The following CDH13 variants were observed in gnomAD, a reference collection of about 807,000 sequenced individuals.
The protein encoded by CDH13 is cadherin-13.
In CDH13, 24 loss-of-function variants were observed where a neutral mutation model predicts 63.8. The ratio of observed to expected loss-of-function variants is 0.38; its 90% confidence interval spans 0.27 to 0.53. The LOEUF (loss-of-function observed/expected upper bound fraction) is 0.53. Among genes scored for constraint, CDH13 ranks in the 20% least tolerant of loss-of-function variants. CDH13 has a pLI of 0.85. For synonymous variants in CDH13, 503 were observed against 355.3 expected, an observed-to-expected ratio of 1.42 and a Z score of -4.67; for missense variants, 1,049 against 903.1, an observed-to-expected ratio of 1.16 and a Z score of -2.07.
At chr16:83,311,801 G>A (rs953516028) in intron 5 of CDH13, among the ~76,000 whole-genome samples, 12 of 152,188 alleles carry the variant, frequency 7.9e-5, no homozygotes, top group Admixed American at 6.5e-4. Flanking sequence ...CTTGCCAGGT[G>A]CAGTGGCTCA....
intron 2 of CDH13, chr16:83,022,995 T>A (rs966901476): frequency 2.0e-5 from 3 of 152,228 alleles, no homozygotes; most frequent in African/African-American, 7.2e-5. Flanking sequence ...CTTAATTTTC[T>A]CCCTTATCCA....
At chr16:83,330,040 A>T (rs947883337) in intron 5 of CDH13, among the ~76,000 whole-genome samples, 2 of 152,230 alleles carry the variant, frequency 1.3e-5, no homozygotes, top group African/African-American at 4.8e-5. Flanking sequence ...TTGGATGTAT[A>T]TCCAGAAATG....
intron 2 of CDH13, among the ~76,000 whole-genome samples, chr16:82,927,161 T>C (rs1597228580): frequency 6.6e-6 from 1 of 152,138 alleles, no homozygotes; most frequent in South Asian, 2.1e-4. Context: ...TGGTAGGTGG[T>C]GCCAAGAGTG....
intron 1 of CDH13, among the ~76,000 whole-genome samples, chr16:82,830,142 G>C (rs1006518531): frequency 4.6e-5 from 7 of 152,162 alleles, no homozygotes; most frequent in African/African-American, 1.7e-4. Flanking sequence ...AATGGTGGCA[G>C]GGCTGGGATC....
chr16:83,049,045 C>T (rs1226436732), intron 3 of CDH13, among the ~76,000 whole-genome samples: 1 of 152,088 alleles, frequency 6.6e-6, no homozygotes, highest in African/African-American at 2.4e-5. Flanking sequence ...TTTCTTAGTC[C>T]TGAGGCTGCT....
At chr16:83,647,140 C>G (rs982922240) in intron 8 of CDH13, among the ~76,000 whole-genome samples, 2 of 151,904 alleles carry the variant, frequency 1.3e-5, no homozygotes, top group African/African-American at 4.8e-5. Context: ...GAAATCCCGT[C>G]TCTACTAAAA....
chr16:83,372,998 A>G (rs186398115), intron 6 of CDH13, among the ~76,000 whole-genome samples: 2 of 152,188 alleles, frequency 1.3e-5, no homozygotes, highest in African/African-American at 4.8e-5. Flanking sequence ...GAAAGAATGC[A>G]TTAAGATAGT....
intron 6 of CDH13, among the ~76,000 whole-genome samples, chr16:83,363,529 T>C (rs2151388359): frequency 6.6e-6 from 1 of 152,236 alleles, no homozygotes; most frequent in Admixed American, 6.5e-5. Context: ...TATTATGAAT[T>C]TGAGAATTAG....
At chr16:82,830,022 A>G (rs2038455945) in intron 1 of CDH13, among the ~76,000 whole-genome samples, 1 of 152,238 alleles carries the variant, frequency 6.6e-6, no homozygotes, top group Admixed American at 6.5e-5. Flanking sequence ...GCTCTTGAGT[A>G]AACATTTCAT....
intron 2 of CDH13, among the ~76,000 whole-genome samples, chr16:82,908,935 G>T (rs1314722413): frequency 6.6e-6 from 1 of 152,106 alleles, no homozygotes; most frequent in Non-Finnish European, 1.5e-5. Flanking sequence ...CATATAAGGA[G>T]GGTCACTTTT....
At chr16:82,971,883 G>T (rs1398166430) in intron 2 of CDH13, among the ~76,000 whole-genome samples, 1 of 152,190 alleles carries the variant, frequency 6.6e-6, no homozygotes, top group African/African-American at 2.4e-5. Flanking sequence ...ATTCTGCATG[G>T]CCTGTACCCT....
chr16:82,800,419 A>G (rs547687567), intron 1 of CDH13, among the ~76,000 whole-genome samples: 2 of 152,162 alleles, frequency 1.3e-5, no homozygotes, highest in Admixed American at 1.3e-4. Context: ...GTGATACCCA[A>G]ATCATAAATC....
chr16:82,925,687 T>C (rs1278323954), intron 2 of CDH13, among the ~76,000 whole-genome samples: 1 of 152,136 alleles, frequency 6.6e-6, no homozygotes, highest in Admixed American at 6.5e-5. Flanking sequence ...GAAACAAACA[T>C]GTCAGACAGC....
At chr16:83,655,275 T>C (rs1358764977) in intron 8 of CDH13, 1 of 152,250 alleles carries the variant, frequency 6.6e-6, no homozygotes, top group Non-Finnish European at 1.5e-5. Context: ...CGGTAAGAGT[T>C]TGATCTGCAC....
chr16:83,660,455 G>A (rs1913334254), intron 8 of CDH13, among the ~76,000 whole-genome samples: 1 of 152,172 alleles, frequency 6.6e-6, no homozygotes, highest in African/African-American at 2.4e-5. Context: ...CTGACAGGAG[G>A]TGGAGCTCAG....
intron 1 of CDH13, among the ~76,000 whole-genome samples, chr16:82,701,101 A>G (rs2030971982): frequency 6.6e-6 from 1 of 151,766 alleles, no homozygotes; most frequent in Non-Finnish European, 1.5e-5. Flanking sequence ...AGCTAATGAC[A>G]TTACCATCCC....
intron 1 of CDH13, among the ~76,000 whole-genome samples, chr16:82,764,432 C>T (rs1334756434): frequency 6.6e-6 from 1 of 152,110 alleles, no homozygotes; most frequent in African/African-American, 2.4e-5. Flanking sequence ...AAAGGGAAGT[C>T]TCAAATCTAT....
chr16:83,505,754 G>A (rs2074381756), intron 7 of CDH13, among the ~76,000 whole-genome samples: 1 of 151,954 alleles, frequency 6.6e-6, no homozygotes, highest in East Asian at 1.9e-4. Context: ...TGTTGGTTAG[G>A]CTGGTCTTGA....
At chr16:83,557,128 A>G (rs980119445) in intron 7 of CDH13, among the ~76,000 whole-genome samples, 1 of 152,152 alleles carries the variant, frequency 6.6e-6, no homozygotes, top group Non-Finnish European at 1.5e-5. Flanking sequence ...AGAGTCTCAT[A>G]GGAGTATGAA....
Sources: allele counts gnomAD v4.1 joint callset (sites outside exome capture counted in the v4.1 genomes callset), GRCh38; gene constraint gnomAD v4.1.1; transcripts MANE v1.5; gene names NCBI Gene and HGNC (gene_info 2026-07-23, HGNC 2026-07-21).